The following BTNL8 variants were observed in gnomAD, a reference collection of about 807,000 sequenced individuals.
BTNL8 encodes butyrophilin-like protein 8.
Under a neutral mutation model 36.1 loss-of-function variants are expected in BTNL8, and 22 were observed. The observed-to-expected ratio is 0.61, with a 90% CI of 0.44 to 0.87. BTNL8 has a LOEUF of 0.87. Ranked by LOEUF, BTNL8 falls within the 40% of genes least tolerant of loss-of-function variation. The pLI is 0.00. For missense variants in BTNL8, 526 were observed against 616.9 expected (o/e 0.85, Z 1.56); for synonymous variants, 203 against 235.6 (o/e 0.86, Z 1.27).
In BTNL8 at chr5:180,925,827, C is replaced by T. The variant is rs527708311; in HGVS notation, c.673+14213C>T. Among the ~76,000 whole-genome samples the T allele has an allele frequency of 1.1e-3, 173 of 152,070 alleles. 1 individual carries two copies. The highest frequency in any genetic ancestry group is 5.8e-3 in the South Asian group (28 of 4,814). On this transcript the variant is annotated intron_variant, in intron 3 of 7. Coordinates refer to ENST00000340184, the MANE Select transcript of BTNL8 (RefSeq NM_001040462.3). ...TTAAAAGACAAAATTATTAAAAGCA[C>T]CTATAACTAAAATAAATTGTAAAGA...
chr5:180,936,974 C>T (rs1230897380), intron 3 of BTNL8, among the ~76,000 whole-genome samples: 2 of 152,250 alleles, frequency 1.3e-5, no homozygotes, highest in African/African-American at 4.8e-5. Flanking sequence ...CACACACTGC[C>T]TGCATCCCCC....
At chr5:180,905,170 T>C (rs867810754) in intron 1 of BTNL8, among the ~76,000 whole-genome samples, 4,129 of 150,888 alleles carry the variant, frequency 0.027, 80 homozygotes, top group Middle Eastern at 0.048. Context: ...CTCTTTTTGG[T>C]TGGTAAGCTA....
chr5:180,925,445 G>A (rs1758051545), intron 3 of BTNL8, among the ~76,000 whole-genome samples: 1 of 152,200 alleles, frequency 6.6e-6, no homozygotes, highest in African/African-American at 2.4e-5. Flanking sequence ...CCCCAATATG[G>A]TTTTCAGCCT....
At chr5:180,928,564 A>G (rs1758212781) in intron 3 of BTNL8, among the ~76,000 whole-genome samples, 1 of 152,244 alleles carries the variant, frequency 6.6e-6, no homozygotes. Context: ...TATATTCGGG[A>G]GACCCATCTC....
At chr5:180,939,940 T>C (rs1005371176) in intron 3 of BTNL8, among the ~76,000 whole-genome samples, 1 of 152,226 alleles carries the variant, frequency 6.6e-6, no homozygotes, top group African/African-American at 2.4e-5. Flanking sequence ...ACAAGAACAC[T>C]GGAAATTGTA....
chr5:180,899,298 A>G lies in BTNL8; in HGVS notation c.-13A>G, dbSNP rs766852754. 1.9e-6 allele frequency: 3 copies of G among 1,613,826 alleles called. No individual in the cohort carries two copies. Among genetic ancestry groups the G allele is most frequent in the African/African-American group, 2.7e-5 (2 of 74,862 alleles). On this transcript the variant is annotated 5_prime_UTR_variant, in exon 1 of 8. Transcript: ENST00000340184. Reference sequence around the variant, plus strand: ...CGTTTCCATGCCGTGAGGTCCATTCACAGAACACATCCATGGCTCTCATGC... The same window carrying G: ...CGTTTCCATGCCGTGAGGTCCATTCGCAGAACACATCCATGGCTCTCATGC...
chr5:180,908,516 C>T lies in BTNL8; in HGVS notation c.50-70C>T, dbSNP rs565628711. On this transcript the variant is annotated intron_variant, in intron 1 of 7. Coordinates refer to ENST00000340184, the MANE Select transcript of BTNL8 (RefSeq NM_001040462.3). ...GCTGTAGACCGGAGCTGTTCCTATTCGGCCATCTTGGCTCCTCCCCCTCAC... is the reference window on the plus strand; with the variant it reads ...GCTGTAGACCGGAGCTGTTCCTATTTGGCCATCTTGGCTCCTCCCCCTCAC... The T allele has an allele frequency of 3.1e-4, 452 of 1,467,020 alleles. 1 individual carries two copies. The highest frequency in any genetic ancestry group is 3.9e-4 in the Non-Finnish European group (415 of 1,073,590). The allele number at this position is 1,467,020 out of a possible 1,614,324, so 90.9% of individuals were successfully genotyped here.
At position 180,935,527 on chromosome 5, in the gene BTNL8, T is replaced by A. The variant is rs944854003; in HGVS notation, c.674-11985T>A. Among the ~76,000 whole-genome samples, 1 of 152,204 alleles carries A rather than the reference T, an allele frequency of 6.6e-6. No individual in the cohort carries two copies. Among genetic ancestry groups the A allele is most frequent in the African/African-American group, 2.4e-5 (1 of 41,456 alleles). ...ACTCGGCTACAACTTTGCTTTGCAC[T>A]GGAGTGGACACCAGGAGCAGGGAGA... On this transcript the variant is annotated intron_variant, in intron 3 of 7. Coordinates refer to ENST00000340184, the MANE Select transcript of BTNL8 (RefSeq NM_001040462.3). The surrounding 1 kb of genome is among the most constrained non-coding windows in gnomAD (Gnocchi z 4.8).
intron 2 of BTNL8, among the ~76,000 whole-genome samples, chr5:180,910,105 A>G (rs980151516): frequency 1.3e-5 from 2 of 152,040 alleles, no homozygotes; most frequent in African/African-American, 2.4e-5. Flanking sequence ...GTCTTTACAT[A>G]TTTGCATTTC....
rs189156946 is a variant in BTNL8, at chr5:180,949,470, G to A, written c.862+205G>A. The A allele has an allele frequency of 2.4e-5, 20 of 836,918 alleles. 2 individuals are homozygous for A. The African/African-American group carries it at 3.2e-4, about 13-fold the overall frequency. The allele number at this position is 836,918 out of a possible 1,614,324, so 51.8% of individuals were successfully genotyped here. A position where few individuals can be genotyped will look rare whatever the true frequency, so the allele number is the denominator to read the frequency against. Reference sequence around the variant, plus strand: ...CTTGGTCTAGAAGGGGAGAAGACAGGGGCTGGGTAAACGGGAGACGGGGGG... The same window carrying A: ...CTTGGTCTAGAAGGGGAGAAGACAGAGGCTGGGTAAACGGGAGACGGGGGG... On this transcript the variant is annotated intron_variant, in intron 7 of 7. Coordinates refer to ENST00000340184, the MANE Select transcript of BTNL8 (RefSeq NM_001040462.3).
chr5:180,920,430 A>C (rs925917092), intron 3 of BTNL8, among the ~76,000 whole-genome samples: 2 of 147,074 alleles, frequency 1.4e-5, no homozygotes, highest in Admixed American at 6.9e-5. Flanking sequence ...TTTCCATCAC[A>C]CACAAAAATC....
chr5:180,947,445 T>A, intron 3 of BTNL8, 67 bp from the exon 4 acceptor site: 1 of 1,575,964 alleles, frequency 6.3e-7, no homozygotes, highest in Non-Finnish European at 8.7e-7. Flanking sequence ...AGGTGACTCC[T>A]TAAAGAAGAA....
At chr5:180,908,500 C>G (rs931749894) in intron 1 of BTNL8, 86 bp from the exon 2 acceptor site, 8 of 1,299,326 alleles carry the variant, frequency 6.2e-6, no homozygotes, top group Non-Finnish European at 8.6e-6. Flanking sequence ...AGCTGTAGAC[C>G]GGAGCTGTTC....
intron 3 of BTNL8, among the ~76,000 whole-genome samples, chr5:180,938,847 A>G (rs1021927837): frequency 1.4e-4 from 22 of 152,256 alleles, no homozygotes; most frequent in African/African-American, 5.1e-4. Context: ...CAACTAAGAC[A>G]TGATGGCCAG....
intron 1 of BTNL8, chr5:180,902,372 C>T: frequency 6.4e-7 from 1 of 1,551,130 alleles, no homozygotes. Flanking sequence ...AATGAAGTAA[C>T]TGATGTGGAC....
At chr5:180,932,434 C>T (rs945292062) in intron 3 of BTNL8, among the ~76,000 whole-genome samples, 1 of 152,194 alleles carries the variant, frequency 6.6e-6, no homozygotes, top group African/African-American at 2.4e-5. Flanking sequence ...GCAAGCTCCC[C>T]CTCCCGGGTT....
intron 3 of BTNL8, among the ~76,000 whole-genome samples, chr5:180,941,597 C>T (rs1758956086): frequency 6.6e-6 from 1 of 152,052 alleles, no homozygotes; most frequent in Non-Finnish European, 1.5e-5. Flanking sequence ...AGAATATACA[C>T]CATGATTAAG....
At chr5:180,922,127 A>AT (rs1757894752) in intron 3 of BTNL8, among the ~76,000 whole-genome samples, 2 of 151,078 alleles carry the variant, frequency 1.3e-5, no homozygotes, top group South Asian at 2.1e-4. Context: ...TATTTTATTA[A>AT]TTTTTTTCAA....
At position 180,950,458 on chromosome 5, in the gene BTNL8, C is replaced by T. The variant is rs2084802063; in HGVS notation, c.1417C>T (p.Gln473Ter). 6.8e-7 allele frequency: 1 copy of T among 1,463,778 alleles called. No individual in the cohort carries two copies. The highest frequency in any genetic ancestry group is 1.4e-5 in the African/African-American group (1 of 72,692). The allele number at this position is 1,463,778 out of a possible 1,614,324, so 90.7% of individuals were successfully genotyped here. The part of the protein sequence containing the change: ...TQESEKEASW[Q>*]RASAIPETSN... ...GGAATCAGAGAAAGAGGCCTCTTGG[C>T]AAAGGGCCTCTGCAATCCCAGAGAC... The change falls in exon 8 of 8, where the codon CAA becomes TAA. Residue 473 changes from glutamine to a stop codon, truncating the protein, a stop_gained. Transcript: ENST00000340184. LOFTEE classifies it low-confidence loss of function (END_TRUNC).
Sources: allele counts gnomAD v4.1 joint callset (sites outside exome capture counted in the v4.1 genomes callset), GRCh38; gene constraint gnomAD v4.1.1; non-coding constraint Gnocchi (gnomAD v3.1); transcripts MANE v1.5; gene names NCBI Gene and HGNC (gene_info 2026-07-23, HGNC 2026-07-21).